B3GALT1: variants seen among roughly 807,000 people sequenced by gnomAD.
B3GALT1 encodes the protein beta-1,3-galactosyltransferase 1.
A neutral mutation model predicts 23.2 loss-of-function variants in B3GALT1; 10 were observed. The ratio of observed to expected loss-of-function variants is 0.43; its 90% confidence interval spans 0.27 to 0.73. The LOEUF (loss-of-function observed/expected upper bound fraction) is 0.73, where lower values mean the gene tolerates loss of function less well. Among genes scored for constraint, B3GALT1 ranks in the 30% least tolerant of loss-of-function variants. The pLI is 0.21. For synonymous variants in B3GALT1, 156 were observed against 141.5 expected, an observed-to-expected ratio of 1.10 and a Z score of -0.73; for missense variants, 299 against 405.4, an observed-to-expected ratio of 0.74 and a Z score of 2.25.
chr2:167,668,557 C>T (rs1018937653), intron 3 of B3GALT1, among the ~76,000 whole-genome samples: 20 of 152,258 alleles, frequency 1.3e-4, no homozygotes, highest in Admixed American at 6.5e-4. Context: ...GCCTCGCTGC[C>T]GCCTTGCAGT....
Position 167,669,636 on chromosome 2 carries a change from A to G in B3GALT1, c.-352+22670A>G, listed in dbSNP as rs368823267. Among the ~76,000 whole-genome samples, 18 of 152,368 alleles carry G rather than the reference A, an allele frequency of 1.2e-4. No homozygotes were observed. In the East Asian group the frequency reaches 2.7e-3, roughly 23 times the overall value. Reference sequence around the variant, plus strand: ...AAAAGAAATGTATCTAAAATTTATCATATATTTTGTACATTTACACTTTAG... The same window carrying G: ...AAAAGAAATGTATCTAAAATTTATCGTATATTTTGTACATTTACACTTTAG... On this transcript the variant is annotated intron_variant, in intron 3 of 4. Transcript: ENST00000392690.
chr2:167,751,692 G>A (rs1558968028), intron 3 of B3GALT1, among the ~76,000 whole-genome samples: 1 of 152,182 alleles, frequency 6.6e-6, no homozygotes, highest in Non-Finnish European at 1.5e-5. Context: ...AGTGGTGGGT[G>A]AGACATTCAG....
chr2:167,560,554 G>T (rs1037690215), intron 2 of B3GALT1, among the ~76,000 whole-genome samples: 1 of 152,258 alleles, frequency 6.6e-6, no homozygotes, highest in South Asian at 2.1e-4. Flanking sequence ...CTGTATTCAG[G>T]AAACGCATCT....
chr2:167,306,821 A>T (rs541798338), intron 1 of B3GALT1, among the ~76,000 whole-genome samples: 1 of 151,400 alleles, frequency 6.6e-6, no homozygotes, highest in East Asian at 1.9e-4. Flanking sequence ...TTAATCTAAC[A>T]CTCTTTGCCC....
chr2:167,849,613 C>A (rs150893221), intron 4 of B3GALT1, among the ~76,000 whole-genome samples: 1,794 of 152,148 alleles, frequency 0.012, 13 homozygotes, highest in Non-Finnish European at 0.019. Flanking sequence ...CCTGGCCGGG[C>A]GCGGTGGCTC....
At chr2:167,593,152 T>C (rs1376977344) in intron 2 of B3GALT1, among the ~76,000 whole-genome samples, 1 of 152,184 alleles carries the variant, frequency 6.6e-6, no homozygotes, top group Non-Finnish European at 1.5e-5. Context: ...AAGATAGCTG[T>C]GCAAGAATAT....
chr2:167,865,380 G>C (rs1047697390), intron 4 of B3GALT1, among the ~76,000 whole-genome samples: 7 of 152,304 alleles, frequency 4.6e-5, no homozygotes, highest in Admixed American at 6.5e-5. Context: ...TCCAGCCTGG[G>C]TGACAGAGTG....
intron 3 of B3GALT1, among the ~76,000 whole-genome samples, chr2:167,752,698 G>A: frequency 6.6e-6 from 1 of 151,280 alleles, no homozygotes; most frequent in East Asian, 1.9e-4. Context: ...CATCTCCTAG[G>A]TGAACAAAGC....
At chr2:167,702,648 A>T (rs1355866396) in intron 3 of B3GALT1, among the ~76,000 whole-genome samples, 2 of 152,224 alleles carry the variant, frequency 1.3e-5, no homozygotes, top group African/African-American at 2.4e-5. Flanking sequence ...AAAGTGAATA[A>T]TATAACCATT....
rs1038908770 is a variant in B3GALT1, at chr2:167,819,096, T to C, written c.-230+303T>C. On this transcript the variant is annotated intron_variant, in intron 4 of 4. Coordinates refer to ENST00000392690, the MANE Select transcript of B3GALT1 (RefSeq NM_020981.4). ...GATACAGGAGAAAAAAACTCATAGCTTAAAAGAGTGTCTTTTTAAAAAATT... is the reference window on the plus strand; with the variant it reads ...GATACAGGAGAAAAAAACTCATAGCCTAAAAGAGTGTCTTTTTAAAAAATT... Among the ~76,000 whole-genome samples the C allele has an allele frequency of 6.6e-5, 10 of 151,346 alleles. No individual in the cohort carries two copies. The South Asian group carries it at 2.1e-3, about 31-fold the overall frequency.
chr2:167,554,430 A>G (rs1683807485), intron 2 of B3GALT1, among the ~76,000 whole-genome samples: 1 of 152,228 alleles, frequency 6.6e-6, no homozygotes, highest in South Asian at 2.1e-4. Flanking sequence ...AACCAGCGGT[A>G]GGATGACCAG....
chr2:167,643,724 G>C (rs1685694426), intron 2 of B3GALT1, among the ~76,000 whole-genome samples: 3 of 152,174 alleles, frequency 2.0e-5, no homozygotes, highest in Non-Finnish European at 4.4e-5. Flanking sequence ...TATGAAGTTT[G>C]TTTAAACTGA....
chr2:167,368,354 T>C (rs1028951128), intron 1 of B3GALT1, among the ~76,000 whole-genome samples: 1 of 152,222 alleles, frequency 6.6e-6, no homozygotes, highest in Non-Finnish European at 1.5e-5. Context: ...AATGAAATTC[T>C]GTTGAATTCA....
chr2:167,372,310 A>C (rs1314591704), intron 1 of B3GALT1, among the ~76,000 whole-genome samples: 2 of 152,098 alleles, frequency 1.3e-5, no homozygotes, highest in Admixed American at 1.3e-4. Context: ...TTTTTTAAAA[A>C]ATTTCATAAA....
chr2:167,717,700 G>A (rs920923407), intron 3 of B3GALT1, among the ~76,000 whole-genome samples: 14 of 151,930 alleles, frequency 9.2e-5, no homozygotes, highest in Admixed American at 3.9e-4. Flanking sequence ...TCTTTATTTA[G>A]GATAAGTTTA....
chr2:167,670,832 G>A (rs1449864595), intron 3 of B3GALT1, among the ~76,000 whole-genome samples: 1 of 152,096 alleles, frequency 6.6e-6, no homozygotes, highest in Non-Finnish European at 1.5e-5. Context: ...TCAAAGACAA[G>A]TCACTATTCA....
intron 1 of B3GALT1, among the ~76,000 whole-genome samples, chr2:167,443,472 G>T (rs1469411348): frequency 1.3e-5 from 2 of 152,150 alleles, no homozygotes; most frequent in African/African-American, 2.4e-5. Context: ...GGGCAGTATG[G>T]CCATTTTCGT....
chr2:167,647,698 T>A (rs1372035887), intron 3 of B3GALT1, among the ~76,000 whole-genome samples: 1 of 152,182 alleles, frequency 6.6e-6, no homozygotes, highest in African/African-American at 2.4e-5. Flanking sequence ...AGTGGACTTA[T>A]TGTTCATGCC....
At chr2:167,774,485 GTTTTTTTTTTTGTTTTTTTTTTTTTT>G (rs1392055378) in intron 3 of B3GALT1, among the ~76,000 whole-genome samples, 1 of 105,180 alleles carries the variant, frequency 9.5e-6, no homozygotes, top group African/African-American at 3.2e-5. Flanking sequence ...TTTTTTTTTT[GTTTTTTTTTTTGTTTTTTTTTTTTTT>G]TTTGGAGACA....
Sources: gnomAD v4.1 joint callset for allele counts (sites outside exome capture counted in the v4.1 genomes callset) on GRCh38, gnomAD v4.1.1 for gene constraint, MANE v1.5 for transcripts, NCBI Gene and HGNC (gene_info 2026-07-23, HGNC 2026-07-21) for gene names.